Variants in GUCD1 observed in about 807,000 individuals in gnomAD.
The protein encoded by GUCD1 is guanylyl cyclase domain containing 1.
In GUCD1, 17 loss-of-function variants were observed where a neutral mutation model predicts 28.3. The observed-to-expected ratio is 0.60, with a 90% CI of 0.41 to 0.90. GUCD1 has a LOEUF of 0.90. Ranked by LOEUF, GUCD1 falls within the 40% of genes least tolerant of loss-of-function variation. The pLI is 0.00. For synonymous variants in GUCD1, 129 were observed against 123.3 expected (o/e 1.05, Z -0.30); for missense variants, 279 against 305.5 (o/e 0.91, Z 0.65).
chr22:24,547,994 C>T lies in GUCD1; in HGVS notation c.208G>A (p.Asp70Asn), dbSNP rs760712006. The stretch of plus-strand genomic sequence containing the variant: ...AAGTGGTGCATCAGGTAGGCCAGGT[C>T]GATGGTCCAGATGCTCCTGGTCAGC... ...LQLTRSIWTI[D>N]LAYLMHHFGV... is the part of the protein sequence containing the mutation. The change falls in exon 3 of 6, where the codon GAC (aspartate) becomes AAC (asparagine). Residue 70 changes from aspartate to asparagine, a missense_variant. Coordinates refer to ENST00000435822, the MANE Select transcript of GUCD1 (RefSeq NM_001284254.2). The T allele has an allele frequency of 3.7e-6, 6 of 1,613,990 alleles. No homozygotes were observed. The highest frequency in any genetic ancestry group is 2.2e-5 in the East Asian group (1 of 44,902).
At chr22:24,547,562 G>C (rs544494495) in intron 3 of GUCD1, among the ~76,000 whole-genome samples, 2 of 152,220 alleles carry the variant, frequency 1.3e-5, no homozygotes, top group Non-Finnish European at 2.9e-5. Flanking sequence ...GGCCGGATGA[G>C]GTCAGTGATG....
chr22:24,545,138 T>C (rs1174887977), intron 4 of GUCD1, among the ~76,000 whole-genome samples: 3 of 152,102 alleles, frequency 2.0e-5, no homozygotes, highest in Admixed American at 1.3e-4. Context: ...GAGGGGCTGC[T>C]CACCCACTTG....
At chr22:24,555,537 C>T (rs1484271681), upstream of GUCD1, 3 of 1,469,860 alleles carry the variant, frequency 2.0e-6, no homozygotes, top group East Asian at 5.0e-5. Flanking sequence ...TAGGGATAAC[C>T]CTGAGCGGGC....
rs560704539 is a variant in GUCD1, at chr22:24,549,037, C to T, written c.44-36G>A. ...ACAGAGGGAGGTCACAGACCCTCAG[C>T]GCAGAGCCCACCACTCCCACCCTCA... On this transcript the variant is annotated intron_variant, in intron 1 of 5. Transcript: ENST00000435822. The T allele has an allele frequency of 7.7e-5, 113 of 1,464,124 alleles. No individual in the cohort carries two copies. In the South Asian group the frequency reaches 1.1e-3, roughly 14 times the overall value. The allele number at this position is 1,464,124 out of a possible 1,614,324, so 90.7% of individuals were successfully genotyped here.
At chr22:24,551,630 C>T (rs1043260558) in intron 1 of GUCD1, among the ~76,000 whole-genome samples, 1 of 152,198 alleles carries the variant, frequency 6.6e-6, no homozygotes, top group Non-Finnish European at 1.5e-5. Flanking sequence ...TGTGTCCCTT[C>T]TAGTCATTCA....
At chr22:24,543,388 G>A (rs941552321) in intron 5 of GUCD1, among the ~76,000 whole-genome samples, 11 of 152,194 alleles carry the variant, frequency 7.2e-5, no homozygotes, top group African/African-American at 2.4e-4. Flanking sequence ...TCCAGGGGCT[G>A]TCTATGTGAA....
chr22:24,543,628 G>C (rs538107763), intron 5 of GUCD1, among the ~76,000 whole-genome samples: 1 of 152,286 alleles, frequency 6.6e-6, no homozygotes, highest in Admixed American at 6.5e-5. Flanking sequence ...TGGCCAGGGT[G>C]TAGAGGAGGC....
chr22:24,555,050 T>C lies in GUCD1; in HGVS notation c.-59A>G. ...CCCAGAGCGGGCTACAGCTTCCGCT[T>C]CGGCTGGGGCGGGAGGGCGGTCGGT... On this transcript the variant is annotated 5_prime_UTR_variant, in exon 1 of 6. Transcript: ENST00000435822. The C allele has an allele frequency of 7.3e-7, 1 of 1,372,798 alleles. No homozygotes were observed. The allele number at this position is 1,372,798 out of a possible 1,614,324, so 85.0% of individuals were successfully genotyped here.
chr22:24,548,248 G>A (rs191469504), intron 2 of GUCD1, among the ~76,000 whole-genome samples, 175 bp from the exon 3 acceptor site: 4 of 152,294 alleles, frequency 2.6e-5, no homozygotes, highest in Non-Finnish European at 4.4e-5. Context: ...TTGGGGCACC[G>A]TCCTGGCTCC....
At chr22:24,551,248 C>T (rs572125417) in intron 1 of GUCD1, among the ~76,000 whole-genome samples, 1 of 152,324 alleles carries the variant, frequency 6.6e-6, no homozygotes, top group East Asian at 1.9e-4. Context: ...CTTCCTTCCT[C>T]TTAACCCAGA....
chr22:24,546,586 C>A (rs761408337), intron 4 of GUCD1, among the ~76,000 whole-genome samples: 19 of 152,220 alleles, frequency 1.2e-4, no homozygotes, highest in Admixed American at 1.0e-3. Flanking sequence ...CTTAGGCCAT[C>A]GCCCTTTCAT....
chr22:24,543,204 A>G, intron 5 of GUCD1, 107 bp from the exon 6 acceptor site: 13 of 792,242 alleles, frequency 1.6e-5, no homozygotes, highest in South Asian at 4.2e-5. Context: ...TCCCATCCAC[A>G]TGGCCATTCC....
intron 3 of GUCD1, 197 bp downstream of exon 3, chr22:24,547,711 G>T: frequency 1.7e-6 from 1 of 580,320 alleles, no homozygotes; most frequent in Non-Finnish European, 3.1e-6. Flanking sequence ...GGGCAGGCCC[G>T]ACTGCAAGGG....
intron 4 of GUCD1, 149 bp from the exon 5 acceptor site, chr22:24,544,232 GC>G: frequency 2.6e-6 from 3 of 1,139,440 alleles, no homozygotes; most frequent in Non-Finnish European, 3.7e-6. Context: ...TGTCACTGTG[GC>G]CCAGGCTCAG....
chr22:24,542,979 G>C lies in GUCD1; in HGVS notation c.*27C>G. 2 of 1,553,020 alleles carry C rather than the reference G, an allele frequency of 1.3e-6. No individual in the cohort carries two copies. Among genetic ancestry groups the C allele is most frequent in the Non-Finnish European group, 1.8e-6 (2 of 1,124,656 alleles). On this transcript the variant is annotated 3_prime_UTR_variant, in exon 6 of 6. Transcript: ENST00000435822. ...CGGCTGGGGTGGGGATGGGGTCCGA[G>C]GGCCTAGGCGCACCAGGCTCCTGCT...
chr22:24,553,672 A>G (rs1446557528), intron 1 of GUCD1, among the ~76,000 whole-genome samples: 1 of 152,050 alleles, frequency 6.6e-6, no homozygotes, highest in African/African-American at 2.4e-5. Context: ...CCAGGCTATG[A>G]CTGTCCATGC....
Position 24,543,845 on chromosome 22 carries a change from C to A in GUCD1, c.625G>T (p.Asp209Tyr). The change falls in exon 5 of 6, where the codon GAC becomes TAC. Residue 209 changes from aspartate to tyrosine, a missense_variant. Transcript: ENST00000435822. ...ACCCACCCCACCCAGCACTCACGGT[C>A]GGCATAGGCTGGGTTGTTGTAGAAG... is the stretch of plus-strand genomic sequence containing the variant. ...CIFYNNPAYADRMCSTSISNF... is the reference protein window; with the variant it reads ...CIFYNNPAYAYRMCSTSISNF... 6.2e-7 allele frequency: 1 copy of A among 1,613,658 alleles called. No homozygotes were observed. Among genetic ancestry groups the A allele is most frequent in the South Asian group, 1.1e-5 (1 of 91,002 alleles).
At chr22:24,551,546 T>C (rs2044874883) in intron 1 of GUCD1, among the ~76,000 whole-genome samples, 1 of 152,224 alleles carries the variant, frequency 6.6e-6, no homozygotes, top group Admixed American at 6.5e-5. Flanking sequence ...CATCAAGGCT[T>C]CATTCTACCC....
chr22:24,543,234 C>T (rs768732388), intron 5 of GUCD1, 137 bp from the exon 6 acceptor site: 49 of 660,534 alleles, frequency 7.4e-5, no homozygotes, highest in Non-Finnish European at 1.3e-4. Flanking sequence ...AAGTCCTCCA[C>T]CCCCAGGAAG....
Sources: gnomAD v4.1 joint callset for allele counts (sites outside exome capture counted in the v4.1 genomes callset) on GRCh38, gnomAD v4.1.1 for gene constraint, MANE v1.5 for transcripts, NCBI Gene and HGNC (gene_info 2026-07-23, HGNC 2026-07-21) for gene names.